Variants in CDK5RAP1 observed in about 807,000 individuals in gnomAD.
CDK5RAP1 encodes CDK5RAP1 mitochondrial tRNA methylthiotransferase, also known as mitochondrial tRNA methylthiotransferase CDK5RAP1.
CDK5RAP1 carries 62 observed loss-of-function variants against 64.5 expected under a neutral mutation model. The ratio of observed to expected loss-of-function variants is 0.96; its 90% CI spans 0.78 to 1.19. CDK5RAP1 has a LOEUF of 1.19. Among genes scored for constraint, CDK5RAP1 ranks in the 50% most tolerant of loss-of-function variants. CDK5RAP1 has a pLI of 0.00. For missense variants in CDK5RAP1, 657 were observed against 735.0 expected (o/e 0.89, Z 1.23); for synonymous variants, 250 against 261.9 (o/e 0.95, Z 0.44).
At chr20:33,398,178 A>G (rs1046662160) in intron 1 of CDK5RAP1, among the ~76,000 whole-genome samples, 1 of 152,144 alleles carries the variant, frequency 6.6e-6, no homozygotes, top group Non-Finnish European at 1.5e-5. Context: ...AAATCTATAC[A>G]CATACAAAAT....
At chr20:33,385,621 A>T (rs554014244) in intron 7 of CDK5RAP1, 29 bp downstream of exon 7, 1 of 1,612,264 alleles carries the variant, frequency 6.2e-7, no homozygotes, top group South Asian at 1.1e-5. Context: ...AAACATGTTC[A>T]CAGCAAGAAA....
intron 8 of CDK5RAP1, among the ~76,000 whole-genome samples, chr20:33,376,396 T>TA (rs1986001792): frequency 6.6e-6 from 1 of 152,196 alleles, no homozygotes; most frequent in Non-Finnish European, 1.5e-5. Context: ...GTGTCCAACT[T>TA]GTAGGCTCAA....
chr20:33,377,847 T>G (rs1313984740), intron 8 of CDK5RAP1, among the ~76,000 whole-genome samples: 3 of 152,180 alleles, frequency 2.0e-5, no homozygotes, highest in East Asian at 3.9e-4. Context: ...AGACAGAGTT[T>G]TGCCATGTTG....
intron 4 of CDK5RAP1, among the ~76,000 whole-genome samples, chr20:33,392,622 G>A (rs1166481830): frequency 2.6e-5 from 4 of 152,018 alleles, no homozygotes; most frequent in Admixed American, 6.6e-5. Flanking sequence ...TCAGACTTAC[G>A]GAAGGTAGGT....
At chr20:33,374,990 C>A (rs1251571119) in intron 8 of CDK5RAP1, among the ~76,000 whole-genome samples, 1 of 151,114 alleles carries the variant, frequency 6.6e-6, no homozygotes, top group Non-Finnish European at 1.5e-5. Context: ...CATAGTGAGA[C>A]CTTGGGTCTA....
Position 33,395,095 on chromosome 20 carries a change from C to A in CDK5RAP1, c.326G>T (p.Cys109Phe). 6.2e-7 allele frequency: 1 copy of A among 1,612,898 alleles called. No homozygotes were observed. The change falls in exon 3 of 14, where the codon TGC becomes TTC. Residue 109 changes from cysteine (C) to phenylalanine (F), a missense_variant. Physicochemically the swap from Cys to Phe is radical, Grantham distance 205. Transcript: ENST00000346416. Reference protein sequence around the residue: ...QRKVYLETYGCQMNVNDTEIA... With the variant: ...QRKVYLETYGFQMNVNDTEIA... ...CTCTGTGTCATTCACATTCATCTGGCAGCCATAGGTCTCGAGGTAGACTGC... is the reference window on the plus strand; with the variant it reads ...CTCTGTGTCATTCACATTCATCTGGAAGCCATAGGTCTCGAGGTAGACTGC...
intron 1 of CDK5RAP1, among the ~76,000 whole-genome samples, chr20:33,400,370 C>CA (rs1422637841): frequency 6.6e-6 from 1 of 152,202 alleles, no homozygotes; most frequent in Non-Finnish European, 1.5e-5. Context: ...TTTCAAGAGT[C>CA]AGAGAAGAAC....
upstream of CDK5RAP1, chr20:33,401,520 A>C (rs1205992286): frequency 1.0e-6 from 1 of 985,110 alleles, no homozygotes; most frequent in Non-Finnish European, 1.2e-6. Context: ...GTTCATACAC[A>C]AGCGACTTCC....
At chr20:33,396,661 G>A (rs1988922324) in intron 2 of CDK5RAP1, 100 bp downstream of exon 2, 2 of 904,058 alleles carry the variant, frequency 2.2e-6, no homozygotes, top group South Asian at 1.6e-5. Flanking sequence ...TTCCCACACT[G>A]TTAACCTTCC....
Position 33,363,428 on chromosome 20 carries a change from G to C in CDK5RAP1, c.1543-2937C>G, listed in dbSNP as rs565732175. Among the ~76,000 whole-genome samples, 66 of 152,258 alleles carry C rather than the reference G, an allele frequency of 4.3e-4. 1 individual carries two copies. Among genetic ancestry groups the C allele is most frequent in the African/African-American group, 1.6e-3 (65 of 41,556 alleles). Reference sequence around the variant, plus strand: ...TCCTGATTTTCATAGTTGTACTACAGTTATCTAGGAGAATGTCCCTGTTTG... The same window carrying C: ...TCCTGATTTTCATAGTTGTACTACACTTATCTAGGAGAATGTCCCTGTTTG... On this transcript the variant is annotated intron_variant, in intron 12 of 13. Coordinates refer to ENST00000346416, the MANE Select transcript of CDK5RAP1 (RefSeq NM_016408.4).
intron 8 of CDK5RAP1, among the ~76,000 whole-genome samples, chr20:33,378,965 T>A (rs1275806542): frequency 1.3e-5 from 2 of 152,172 alleles, no homozygotes; most frequent in Non-Finnish European, 2.9e-5. Flanking sequence ...AGACTTTTTT[T>A]TCGAGACAGG....
intron 13 of CDK5RAP1, chr20:33,359,635 G>A (rs1246973967): frequency 3.8e-5 from 6 of 156,342 alleles, no homozygotes; most frequent in African/African-American, 1.4e-4. Context: ...ATTGCCCTAG[G>A]TGCTAGAAGA....
chr20:33,379,648 A>G lies in CDK5RAP1; in HGVS notation c.920T>C (p.Phe307Ser). Residue 307 changes from phenylalanine (F) to serine (S), a missense_variant, in exon 8 of 14, where the codon TTT becomes TCT. Phe to Ser is a radical substitution (Grantham distance 155, BLOSUM62 -2). Transcript: ENST00000346416. ...GAACTGGACCTCCGAATTGTCCCGA[A>G]AACTATTAACATTCTGACCAAGAAG... ...VTLLGQNVNSFRDNSEVQFNS... is the reference protein window; with the variant it reads ...VTLLGQNVNSSRDNSEVQFNS... 1 of 1,614,138 alleles carries G rather than the reference A, an allele frequency of 6.2e-7. No individual in the cohort carries two copies. Among genetic ancestry groups the G allele is most frequent in the Non-Finnish European group, 8.5e-7 (1 of 1,180,002 alleles).
At chr20:33,376,543 C>A (rs889261337) in intron 8 of CDK5RAP1, among the ~76,000 whole-genome samples, 2 of 152,124 alleles carry the variant, frequency 1.3e-5, no homozygotes, top group East Asian at 1.9e-4. Flanking sequence ...ATTGACAACG[C>A]ACCTGGTCAT....
rs982980200 is a variant in CDK5RAP1, at chr20:33,396,960, A to C, written c.105T>G (p.Ser35Arg). 1 of 1,614,146 alleles carries C rather than the reference A, an allele frequency of 6.2e-7. No individual in the cohort carries two copies. The highest frequency in any genetic ancestry group is 8.5e-7 in the Non-Finnish European group (1 of 1,179,988). Residue 35 changes from serine to arginine, a missense_variant, in exon 2 of 14, where the codon AGT becomes AGG. Coordinates refer to ENST00000346416, the MANE Select transcript of CDK5RAP1 (RefSeq NM_016408.4). ...LSLRMCRAHS[S>R]LSSTMCPSPE... Reference sequence around the variant, plus strand: ...GACTGGGACACATGGTACTAGAGAGACTGCTGTGTGCCCTGCACATCCTCA... The same window carrying C: ...GACTGGGACACATGGTACTAGAGAGCCTGCTGTGTGCCCTGCACATCCTCA...
chr20:33,388,656 G>C (rs190781892), intron 5 of CDK5RAP1, among the ~76,000 whole-genome samples: 1 of 150,188 alleles, frequency 6.7e-6, no homozygotes, highest in Non-Finnish European at 1.5e-5. Context: ...CTCTTTCCAC[G>C]GTCTCCCTCT....
intron 4 of CDK5RAP1, among the ~76,000 whole-genome samples, chr20:33,393,340 C>T (rs1002443992): frequency 5.3e-5 from 8 of 151,964 alleles, no homozygotes; most frequent in African/African-American, 1.7e-4. Context: ...TACACCCAGC[C>T]TCATTGTTTG....
chr20:33,387,113 A>C (rs1036459201), intron 6 of CDK5RAP1, among the ~76,000 whole-genome samples: 2 of 151,952 alleles, frequency 1.3e-5, no homozygotes, highest in African/African-American at 4.8e-5. Context: ...AAATTCAAAA[A>C]AAAATTAGCC....
At chr20:33,365,118 A>C (rs1297873425) in intron 12 of CDK5RAP1, among the ~76,000 whole-genome samples, 2 of 149,484 alleles carry the variant, frequency 1.3e-5, no homozygotes, top group African/African-American at 4.9e-5. Context: ...CTGGTTTTGA[A>C]CTCCTGGGCT....
Sources: gnomAD v4.1 joint callset for allele counts (sites outside exome capture counted in the v4.1 genomes callset) on GRCh38, gnomAD v4.1.1 for gene constraint, MANE v1.5 for transcripts, NCBI Gene and HGNC (gene_info 2026-07-23, HGNC 2026-07-21) for gene names.